ROCK2: variants seen among roughly 807,000 people sequenced by gnomAD.
The protein encoded by ROCK2 is Rho associated coiled-coil containing protein kinase 2.
In ROCK2, 61 loss-of-function variants were observed where a neutral mutation model predicts 195.1. That is an observed-to-expected ratio of 0.31 (90% CI 0.25 to 0.39). The LOEUF is 0.39. Ranked by LOEUF, ROCK2 falls within the 10% of genes least tolerant of loss-of-function variation. The pLI, the probability that ROCK2 is intolerant of heterozygous loss-of-function variation, is 1.00. For missense variants in ROCK2, 1,109 were observed against 1,637.4 expected (o/e 0.68, Z 5.57); for synonymous variants, 504 against 545.5 (o/e 0.92, Z 1.06).
chr2:11,209,907 C>G (rs955327519), intron 18 of ROCK2, among the ~76,000 whole-genome samples: 1 of 152,168 alleles, frequency 6.6e-6, no homozygotes, highest in Admixed American at 6.5e-5. Context: ...TTTTATTGCA[C>G]TTGATTTTCA....
upstream of ROCK2, among the ~76,000 whole-genome samples, chr2:11,345,139 G>A (rs559644211): frequency 2.2e-3 from 339 of 152,336 alleles, 3 homozygotes; most frequent in African/African-American, 7.9e-3. Flanking sequence ...CCGCAGGGCC[G>A]GGGGTTTCGA....
intron 5 of ROCK2, chr2:11,234,379 T>C (rs1665130045): frequency 6.6e-6 from 1 of 152,192 alleles, no homozygotes; most frequent in Non-Finnish European, 1.5e-5. Flanking sequence ...AATACATTCA[T>C]GGAAGTACAA....
intron 1 of ROCK2, among the ~76,000 whole-genome samples, chr2:11,312,569 T>C (rs191340043): frequency 1.7e-4 from 26 of 152,314 alleles, no homozygotes; most frequent in Admixed American, 2.6e-4. Flanking sequence ...GGACTGGTTC[T>C]TTCATTCAGT....
chr2:11,329,982 TA>T (rs1401288085), intron 1 of ROCK2, among the ~76,000 whole-genome samples: 1 of 152,210 alleles, frequency 6.6e-6, no homozygotes. Context: ...AGTCTCAAAT[TA>T]ATTGCATTTT....
intron 8 of ROCK2, 61 bp downstream of exon 8, chr2:11,222,022 G>C: frequency 1.1e-6 from 1 of 937,870 alleles, no homozygotes; most frequent in Non-Finnish European, 1.7e-6. Context: ...TTTCAAAAAA[G>C]GAATCAACTT....
intron 1 of ROCK2, among the ~76,000 whole-genome samples, chr2:11,312,773 GA>G (rs1297996317): frequency 6.6e-6 from 1 of 151,912 alleles, no homozygotes; most frequent in Non-Finnish European, 1.5e-5. Context: ...GTGGTATATG[GA>G]ATATTATTCA....
chr2:11,289,169 G>T (rs1206865265), intron 1 of ROCK2, among the ~76,000 whole-genome samples: 1 of 151,932 alleles, frequency 6.6e-6, no homozygotes, highest in Non-Finnish European at 1.5e-5. Context: ...TCAACTAAAA[G>T]AAAAAAATAC....
intron 20 of ROCK2, among the ~76,000 whole-genome samples, chr2:11,202,635 C>T (rs1663902616): frequency 6.6e-6 from 1 of 151,756 alleles, no homozygotes; most frequent in East Asian, 1.9e-4. Flanking sequence ...GTAGCTGGGA[C>T]TACAGGCGCC....
intron 3 of ROCK2, among the ~76,000 whole-genome samples, chr2:11,285,070 C>A (rs1667139566): frequency 6.6e-6 from 1 of 152,082 alleles, no homozygotes; most frequent in Non-Finnish European, 1.5e-5. Context: ...CAAGACCAGA[C>A]TGACCAACAT....
chr2:11,185,500 G>A (rs111606224), intron 32 of ROCK2, among the ~76,000 whole-genome samples: 1 of 152,116 alleles, frequency 6.6e-6, no homozygotes, highest in Non-Finnish European at 1.5e-5. Flanking sequence ...AGGCTGAGGC[G>A]GGCAGATCAC....
chr2:11,268,254 G>C (rs1356093403), intron 3 of ROCK2, among the ~76,000 whole-genome samples: 8 of 152,090 alleles, frequency 5.3e-5, no homozygotes, highest in Non-Finnish European at 1.2e-4. Flanking sequence ...TGGTGGTCAA[G>C]TCAGAAAATT....
Position 11,215,009 on chromosome 2 carries a change from T to C in ROCK2, c.1767A>G (p.Ser589=), listed in dbSNP as rs1290943848. The C allele has an allele frequency of 1.2e-6, 2 of 1,614,120 alleles. No individual in the cohort carries two copies. The highest frequency in any genetic ancestry group is 4.5e-5 in the East Asian group (2 of 44,874). ...ARLRKTQAES[S]KQIQQLESNN... ...TAGATTCCAGCTGCTGAATCTGTTTTGAACTTTCTGCCTGGGTTTTCCTTA... is the reference window on the plus strand; with the variant it reads ...TAGATTCCAGCTGCTGAATCTGTTTCGAACTTTCTGCCTGGGTTTTCCTTA... Residue 589 remains serine, a synonymous_variant, in exon 16 of 33, where the codon TCA becomes TCG. Coordinates refer to ENST00000315872, the MANE Select transcript of ROCK2 (RefSeq NM_004850.5).
rs1003364472 is a variant in ROCK2, at chr2:11,292,959, C to T, written c.142-5223G>A. The stretch of plus-strand genomic sequence containing the variant: ...TCCCCCTTCTCCCTCTTCCTCCTTT[C>T]CCAGCCATGTAAGATATGCCTGCTT... On this transcript the variant is annotated intron_variant, in intron 1 of 32. Coordinates refer to ENST00000315872, the MANE Select transcript of ROCK2 (RefSeq NM_004850.5). Among the ~76,000 whole-genome samples the T allele has an allele frequency of 3.9e-5, 6 of 152,238 alleles. No homozygotes were observed. The East Asian group carries it at 7.7e-4, about 20-fold the overall frequency.
intron 1 of ROCK2, among the ~76,000 whole-genome samples, chr2:11,323,709 C>T (rs1255415180): frequency 6.6e-6 from 1 of 152,144 alleles, no homozygotes; most frequent in Non-Finnish European, 1.5e-5. Context: ...GTTAGAGGTT[C>T]ACATCAAAAC....
intron 32 of ROCK2, among the ~76,000 whole-genome samples, chr2:11,185,591 T>A (rs1022006992): frequency 1.3e-5 from 2 of 151,452 alleles, no homozygotes; most frequent in African/African-American, 4.8e-5. Flanking sequence ...TAGCTGGGCA[T>A]GGTGGCAGGT....
chr2:11,227,183 T>A lies in ROCK2; in HGVS notation c.868+71A>T. On this transcript the variant is annotated intron_variant, in intron 6 of 32. Coordinates refer to ENST00000315872, the MANE Select transcript of ROCK2 (RefSeq NM_004850.5). Reference sequence around the variant, plus strand: ...ACAAAGGCAATTAATTTCCTTATATTCTCAAATTCTTGACTGAAATAAAGT... The same window carrying A: ...ACAAAGGCAATTAATTTCCTTATATACTCAAATTCTTGACTGAAATAAAGT... The A allele has an allele frequency of 3.6e-6, 5 of 1,389,686 alleles. No homozygotes were observed. In the South Asian group the frequency reaches 6.7e-5, roughly 19 times the overall value. The allele number at this position is 1,389,686 out of a possible 1,614,324, so 86.1% of individuals were successfully genotyped here.
At chr2:11,276,653 A>T (rs1251956102) in intron 3 of ROCK2, among the ~76,000 whole-genome samples, 3 of 152,230 alleles carry the variant, frequency 2.0e-5, no homozygotes, top group Non-Finnish European at 4.4e-5. Flanking sequence ...AAATAGAAAT[A>T]GAGGAAATAA....
chr2:11,204,414 G>A (rs1367220589), intron 20 of ROCK2, among the ~76,000 whole-genome samples: 1 of 152,004 alleles, frequency 6.6e-6, no homozygotes, highest in East Asian at 1.9e-4. Flanking sequence ...ATGAGAATAT[G>A]TCTAGATATA....
intron 32 of ROCK2, among the ~76,000 whole-genome samples, chr2:11,191,162 A>G (rs192615315): frequency 1.3e-5 from 2 of 152,354 alleles, no homozygotes; most frequent in Non-Finnish European, 2.9e-5. Context: ...ATACCTGATC[A>G]AAGGATATGC....
Sources: allele counts gnomAD v4.1 joint callset (sites outside exome capture counted in the v4.1 genomes callset), GRCh38; gene constraint gnomAD v4.1.1; transcripts MANE v1.5; gene names NCBI Gene and HGNC (gene_info 2026-07-23, HGNC 2026-07-21).